Variants in HS6ST3 observed in about 807,000 individuals in gnomAD.
HS6ST3 encodes the protein heparan-sulfate 6-O-sulfotransferase 3.
In HS6ST3, 12 loss-of-function variants were observed where a neutral mutation model predicts 36.7. That is an observed-to-expected ratio of 0.33 (90% CI 0.21 to 0.53). The LOEUF (loss-of-function observed/expected upper bound fraction) is 0.53. HS6ST3 is among the 20% of genes least tolerant of loss of function. HS6ST3 has a pLI of 0.95. For synonymous variants in HS6ST3, 240 were observed against 257.5 expected (o/e 0.93, Z 0.65); for missense variants, 584 against 640.9 (o/e 0.91, Z 0.96).
intron 1 of HS6ST3, among the ~76,000 whole-genome samples, chr13:96,246,320 GA>G (rs1248323879): frequency 1.3e-5 from 2 of 152,112 alleles, no homozygotes; most frequent in Non-Finnish European, 2.9e-5. Context: ...CCCTGCCCAA[GA>G]CTGAAATTAT....
Position 96,832,488 on chromosome 13 carries a change from A to G in HS6ST3, c.708-2A>G. 6.5e-7 allele frequency: 1 copy of G among 1,541,000 alleles called. No individual in the cohort carries two copies. Among genetic ancestry groups the G allele is most frequent in the Non-Finnish European group, 8.7e-7 (1 of 1,145,272 alleles). ...TGATGCTCTTCCTCTAATTTCTTCT[A>G]GGAATTTCTATTACATCACAATGTT... On this transcript the variant is annotated splice_acceptor_variant, in intron 1 of 1. Coordinates refer to ENST00000376705, the MANE Select transcript of HS6ST3 (RefSeq NM_153456.4). LOFTEE classifies it high-confidence loss of function.
At chr13:96,520,703 T>C (rs2056089918) in intron 1 of HS6ST3, among the ~76,000 whole-genome samples, 1 of 152,244 alleles carries the variant, frequency 6.6e-6, no homozygotes. Context: ...TTTTATATCC[T>C]GAGACTTTGC....
At chr13:96,733,914 C>T (rs1055708548) in intron 1 of HS6ST3, among the ~76,000 whole-genome samples, 2 of 152,182 alleles carry the variant, frequency 1.3e-5, no homozygotes, top group Non-Finnish European at 2.9e-5. Flanking sequence ...CCTCCCACTG[C>T]CACCACAGCC....
chr13:96,336,798 A>G lies in HS6ST3; in HGVS notation c.707+245229A>G, dbSNP rs2055103670. On this transcript the variant is annotated intron_variant, in intron 1 of 1. Coordinates refer to ENST00000376705, the MANE Select transcript of HS6ST3 (RefSeq NM_153456.4). ...AATACTTTAGCTTTCTTATACTCTC[A>G]TGTTCTTATCTTGAGTTTACATATA... Among the ~76,000 whole-genome samples, 5 of 152,286 alleles carry G rather than the reference A, an allele frequency of 3.3e-5. No individual in the cohort carries two copies. The South Asian group carries it at 1.0e-3, about 32-fold the overall frequency.
chr13:96,264,589 G>A (rs2054682593), intron 1 of HS6ST3, among the ~76,000 whole-genome samples: 1 of 152,168 alleles, frequency 6.6e-6, no homozygotes, highest in Admixed American at 6.5e-5. Flanking sequence ...GTGGAGCCTG[G>A]CCCTCATGAA....
rs146778586 is a variant in HS6ST3 at position 96,268,009 on chromosome 13, AAGAG to A, written c.707+176455_707+176458del. On this transcript the variant is annotated intron_variant, in intron 1 of 1. Transcript: ENST00000376705. ...TTACAGACACACACACTCAAGTGCA[AAGAG>A]AGAGAGAGAGAGAGCAAGCTCTGAT... is the stretch of plus-strand genomic sequence containing the variant. 6.9e-4 allele frequency among the ~76,000 whole-genome samples: 103 copies of A among 149,928 alleles called. 2 individuals are homozygous for A. Among genetic ancestry groups the A allele is most frequent in the East Asian group, 4.9e-3 (25 of 5,118 alleles).
chr13:96,237,955 C>CT (rs1414965453), intron 1 of HS6ST3, among the ~76,000 whole-genome samples: 2 of 152,196 alleles, frequency 1.3e-5, no homozygotes, highest in African/African-American at 4.8e-5. Flanking sequence ...CCTCCTACCC[C>CT]TGTACCTTCT....
At chr13:96,704,563 G>A (rs1875370301) in intron 1 of HS6ST3, among the ~76,000 whole-genome samples, 1 of 152,130 alleles carries the variant, frequency 6.6e-6, no homozygotes, top group Non-Finnish European at 1.5e-5. Flanking sequence ...ATAGAATTAA[G>A]GTGTTGCTCT....
At chr13:96,560,331 T>C (rs2056257173) in intron 1 of HS6ST3, among the ~76,000 whole-genome samples, 1 of 152,216 alleles carries the variant, frequency 6.6e-6, no homozygotes, top group Non-Finnish European at 1.5e-5. Flanking sequence ...TTTTAGCAAG[T>C]GTTCAGTAAA....
intron 1 of HS6ST3, among the ~76,000 whole-genome samples, chr13:96,132,370 C>G (rs1337131454): frequency 6.6e-6 from 1 of 151,772 alleles, no homozygotes; most frequent in Non-Finnish European, 1.5e-5. Flanking sequence ...TTTGAGGAAC[C>G]TCCATACTGT....
chr13:96,764,600 C>T lies in HS6ST3; in HGVS notation c.708-67890C>T, dbSNP rs147122880. Among the ~76,000 whole-genome samples, 279 of 152,290 alleles carry T rather than the reference C, an allele frequency of 1.8e-3. 1 individual carries two copies. Among genetic ancestry groups the T allele is most frequent in the African/African-American group, 6.5e-3 (271 of 41,564 alleles). On this transcript the variant is annotated intron_variant, in intron 1 of 1. Transcript: ENST00000376705. ...GGTCTTCGAAGTCTTTCCAGCCATG[C>T]CATCTTGCTCAGTGGCCCCTTTTTA...
intron 1 of HS6ST3, among the ~76,000 whole-genome samples, chr13:96,138,996 A>G (rs1271274120): frequency 1.3e-5 from 2 of 152,120 alleles, no homozygotes; most frequent in African/African-American, 4.8e-5. Flanking sequence ...ATCAGAATAC[A>G]TTATTTTATA....
At chr13:96,819,184 A>G (rs1307063587) in intron 1 of HS6ST3, among the ~76,000 whole-genome samples, 3 of 152,226 alleles carry the variant, frequency 2.0e-5, no homozygotes, top group Non-Finnish European at 4.4e-5. Flanking sequence ...GAGGCATTCC[A>G]GCTAATAAAT....
intron 1 of HS6ST3, among the ~76,000 whole-genome samples, chr13:96,257,617 A>G (rs1420225205): frequency 6.6e-6 from 1 of 152,214 alleles, no homozygotes; most frequent in Non-Finnish European, 1.5e-5. Context: ...TTATAAATTA[A>G]CATTTTTAAA....
chr13:96,689,841 A>G (rs897393302), intron 1 of HS6ST3, among the ~76,000 whole-genome samples: 1 of 151,874 alleles, frequency 6.6e-6, no homozygotes, highest in Non-Finnish European at 1.5e-5. Flanking sequence ...CCTCTTTTTT[A>G]TTATACTATG....
intron 1 of HS6ST3, among the ~76,000 whole-genome samples, chr13:96,595,944 C>A (rs2056399898): frequency 6.6e-6 from 1 of 151,362 alleles, no homozygotes. Context: ...TGAATTAAAA[C>A]AATTTTTTTT....
At chr13:96,268,754 A>G (rs1351562997) in intron 1 of HS6ST3, among the ~76,000 whole-genome samples, 1 of 152,002 alleles carries the variant, frequency 6.6e-6, no homozygotes, top group Non-Finnish European at 1.5e-5. Context: ...TAATTATACC[A>G]TTTATATTTT....
At chr13:96,282,929 G>A (rs1293000007) in intron 1 of HS6ST3, among the ~76,000 whole-genome samples, 5 of 152,098 alleles carry the variant, frequency 3.3e-5, no homozygotes, top group African/African-American at 9.7e-5. Flanking sequence ...AGCAAATAAG[G>A]AATACAAGCC....
At position 96,702,265 on chromosome 13, in the gene HS6ST3, C is replaced by T. The variant is rs537983682; in HGVS notation, c.708-130225C>T. ...CCTTATATCAAAAGCTTTCTGCAGC[C>T]CTCCCAGTAAGACAATCCAAAAGGA... On this transcript the variant is annotated intron_variant, in intron 1 of 1. Coordinates refer to ENST00000376705, the MANE Select transcript of HS6ST3 (RefSeq NM_153456.4). Among the ~76,000 whole-genome samples, 3 of 152,220 alleles carry T rather than the reference C, an allele frequency of 2.0e-5. No individual in the cohort carries two copies. The East Asian group carries it at 5.8e-4, about 29-fold the overall frequency.
Sources: allele counts gnomAD v4.1 joint callset (sites outside exome capture counted in the v4.1 genomes callset), GRCh38; gene constraint gnomAD v4.1.1; transcripts MANE v1.5; gene names NCBI Gene and HGNC (gene_info 2026-07-23, HGNC 2026-07-21).